Variants in JDP2 observed in about 807,000 individuals in gnomAD.
The protein encoded by JDP2 is Jun dimerization protein 2.
JDP2 carries 9 observed loss-of-function variants against 17.1 expected under a neutral mutation model. The observed-to-expected ratio is 0.53, with a 90% CI of 0.32 to 0.92. The LOEUF is 0.92. Among genes scored for constraint, JDP2 ranks in the 40% least tolerant of loss-of-function variants. The pLI, the probability that JDP2 is intolerant of heterozygous loss-of-function variation, is 0.04. For missense variants in JDP2, 179 were observed against 220.0 expected, an observed-to-expected ratio of 0.81 and a Z score of 1.18; for synonymous variants, 107 against 95.6, an observed-to-expected ratio of 1.12 and a Z score of -0.69.
intron 2 of JDP2, among the ~76,000 whole-genome samples, chr14:75,448,281 A>G (rs1885699463): frequency 6.6e-6 from 1 of 152,058 alleles, no homozygotes; most frequent in African/African-American, 2.4e-5. Flanking sequence ...TGGGGTCAGC[A>G]TCTGGGAGCT....
intron 3 of JDP2, 58 bp from the exon 4 acceptor site, chr14:75,469,232 C>T: frequency 6.5e-7 from 1 of 1,534,866 alleles, no homozygotes; most frequent in Non-Finnish European, 8.9e-7. Flanking sequence ...ACAGGCAGAG[C>T]CTCTCCCCAG....
At chr14:75,461,697 A>G (rs547968328) in intron 3 of JDP2, among the ~76,000 whole-genome samples, 167 bp downstream of exon 3, 14 of 152,238 alleles carry the variant, frequency 9.2e-5, no homozygotes, top group African/African-American at 1.4e-4. Context: ...TTCCTCCCCA[A>G]TCTCTGAACC....
intron 2 of JDP2, among the ~76,000 whole-genome samples, chr14:75,459,901 G>C (rs999387792): frequency 1.3e-5 from 2 of 152,184 alleles, no homozygotes; most frequent in African/African-American, 4.8e-5. Flanking sequence ...TCAGGAGCAG[G>C]GTGCTTGAAA....
rs901438669 is a variant in JDP2 at position 75,471,699 on chromosome 14, C to G, written c.*2224C>G. 6.6e-6 allele frequency: 1 copy of G among 152,594 alleles called. No homozygotes were observed. The highest frequency in any genetic ancestry group is 1.5e-5 in the Non-Finnish European group (1 of 68,166). 9.5% of individuals were successfully genotyped at this position (152,594 alleles called of 1,614,324 possible). A position where few individuals can be genotyped will look rare whatever the true frequency, so the allele number is the denominator to read the frequency against. ...TGGTGTGGACTCCCCTGCACCCCGC[C>G]CTAGAAACAGGACCTGGTCCTCTCA... On this transcript the variant is annotated 3_prime_UTR_variant, in exon 4 of 4. Transcript: ENST00000651602.
intron 2 of JDP2, among the ~76,000 whole-genome samples, chr14:75,440,868 G>T (rs1046795296): frequency 6.6e-6 from 1 of 152,212 alleles, no homozygotes; most frequent in African/African-American, 2.4e-5. Flanking sequence ...TACAGATGAG[G>T]TCAACAAGGC....
intron 2 of JDP2, among the ~76,000 whole-genome samples, chr14:75,440,243 G>A (rs1885276004): frequency 6.6e-6 from 1 of 152,168 alleles, no homozygotes; most frequent in South Asian, 2.1e-4. Flanking sequence ...GCAGTGTTGT[G>A]GGGGCGAAGA....
At chr14:75,429,540 C>T (rs1201504030) in intron 1 of JDP2, among the ~76,000 whole-genome samples, 5 of 152,150 alleles carry the variant, frequency 3.3e-5, no homozygotes, top group South Asian at 2.1e-4. Context: ...CCCAACCTTC[C>T]TTCCCTGAGG....
At position 75,451,588 on chromosome 14, in the gene JDP2, G is replaced by A. The variant is rs183722895; in HGVS notation, c.202-9838G>A. ...AGGCCGTGCGTATCGAGTGAGGAGA[G>A]TAGCAGGCCAAGGATGGGACCTGGA... On this transcript the variant is annotated intron_variant, in intron 2 of 3. Coordinates refer to ENST00000651602, the MANE Select transcript of JDP2 (RefSeq NM_001135048.2). Among the ~76,000 whole-genome samples the A allele has an allele frequency of 3.8e-3, 574 of 152,310 alleles. 3 individuals carry two copies. The highest frequency in any genetic ancestry group is 0.013 in the African/African-American group (536 of 41,556).
intron 1 of JDP2, among the ~76,000 whole-genome samples, chr14:75,435,602 C>T (rs180947470): frequency 1.9e-3 from 296 of 152,324 alleles, no homozygotes; most frequent in African/African-American, 6.7e-3. Flanking sequence ...AGCCCTGGCT[C>T]CAATCCTCTC....
At chr14:75,456,724 G>T (rs187728073) in intron 2 of JDP2, among the ~76,000 whole-genome samples, 8 of 152,294 alleles carry the variant, frequency 5.3e-5, no homozygotes, top group Admixed American at 1.3e-4. Context: ...GAAGTTGGTT[G>T]CCCGGCCCTG....
At chr14:75,443,221 C>T (rs897914773) in intron 2 of JDP2, among the ~76,000 whole-genome samples, 3 of 152,204 alleles carry the variant, frequency 2.0e-5, no homozygotes, top group South Asian at 4.1e-4. Flanking sequence ...GAGACCAAGA[C>T]GTGCATCCAT....
chr14:75,444,986 T>G (rs1009100105), intron 2 of JDP2: 1 of 448,952 alleles, frequency 2.2e-6, no homozygotes, highest in African/African-American at 2.1e-5. Flanking sequence ...TCCTGTGGTG[T>G]TAATGTCATC....
At chr14:75,454,988 C>T (rs1421787530) in intron 2 of JDP2, among the ~76,000 whole-genome samples, 4 of 151,906 alleles carry the variant, frequency 2.6e-5, no homozygotes, top group Non-Finnish European at 5.9e-5. Context: ...AGTGCAGAGG[C>T]GACGAGGGCT....
At chr14:75,445,727 G>A (rs1258458989) in intron 2 of JDP2, 1 of 376,228 alleles carries the variant, frequency 2.7e-6, no homozygotes, top group Non-Finnish European at 3.7e-6. Flanking sequence ...GAAGAAAACA[G>A]CTGTAAATCT....
At chr14:75,453,428 G>A (rs764676745) in intron 2 of JDP2, among the ~76,000 whole-genome samples, 11 of 152,174 alleles carry the variant, frequency 7.2e-5, no homozygotes, top group Non-Finnish European at 1.3e-4. Flanking sequence ...GAACTCCCCA[G>A]CCTGCTCCTC....
rs557964897 is a variant in JDP2, at chr14:75,432,099, C to G, written c.-24+3847C>G. ...TCCAAAACCGCCACTCTTAACCCCC[C>G]CTTCCTCTTGGCCTGCAGAGCTGGG... On this transcript the variant is annotated intron_variant, in intron 1 of 3. Transcript: ENST00000651602. 682 of 580,458 alleles carry G rather than the reference C, an allele frequency of 1.2e-3. 2 individuals carry two copies. Among genetic ancestry groups the G allele is most frequent in the Non-Finnish European group, 9.2e-4 (300 of 325,174 alleles). The allele number at this position is 580,458 out of a possible 1,614,324, so 36.0% of individuals were successfully genotyped here.
In JDP2 at chr14:75,437,988, C is replaced by T. The variant is rs758670650; in HGVS notation, c.68C>T (p.Thr23Ile). ...TGSLPGLGPL[T>I]GLPSSALTVE... ...TCCCTGCCAGGGCTTGGCCCCCTGA[C>T]CGGGCTCCCCAGCTCGGCCCTGACT... Residue 23 changes from threonine (T) to isoleucine (I), a missense_variant, in exon 2 of 4, where the codon ACC becomes ATC. Physicochemically the swap from Thr to Ile is moderately conservative, Grantham distance 89. Coordinates refer to ENST00000651602, the MANE Select transcript of JDP2 (RefSeq NM_001135048.2). 1.2e-6 allele frequency: 2 copies of T among 1,613,698 alleles called. 1 individual carries two copies. The highest frequency in any genetic ancestry group is 2.2e-5 in the South Asian group (2 of 90,922).
chr14:75,473,643 A>C lies in JDP2; in HGVS notation c.*4168A>C, dbSNP rs1352308163. Reference sequence around the variant, plus strand: ...ATTGAATATTACTCAACAGGTAAAAAAGAATGAACCAGAGCTATATGTATC... The same window carrying C: ...ATTGAATATTACTCAACAGGTAAAACAGAATGAACCAGAGCTATATGTATC... On this transcript the variant is annotated 3_prime_UTR_variant, in exon 4 of 4. Coordinates refer to ENST00000651602, the MANE Select transcript of JDP2 (RefSeq NM_001135048.2). The C allele has an allele frequency of 6.6e-6, 1 of 152,276 alleles. No individual in the cohort carries two copies. The highest frequency in any genetic ancestry group is 2.4e-5 in the African/African-American group (1 of 41,478). 9.4% of individuals were successfully genotyped at this position (152,276 alleles called of 1,614,324 possible).
At chr14:75,452,342 C>T (rs952677224) in intron 2 of JDP2, among the ~76,000 whole-genome samples, 2 of 152,190 alleles carry the variant, frequency 1.3e-5, no homozygotes, top group African/African-American at 4.8e-5. Flanking sequence ...AATAAGGCCC[C>T]TGAGACCCAC....
Sources: gnomAD v4.1 joint callset for allele counts (sites outside exome capture counted in the v4.1 genomes callset) on GRCh38, gnomAD v4.1.1 for gene constraint, MANE v1.5 for transcripts, NCBI Gene and HGNC (gene_info 2026-07-23, HGNC 2026-07-21) for gene names.